The following IL17RD variants were observed in gnomAD, a reference collection of about 807,000 sequenced individuals.
IL17RD encodes interleukin-17 receptor D.
In IL17RD, 52 loss-of-function variants were observed where a neutral mutation model predicts 80.5. The ratio of observed to expected loss-of-function variants is 0.65; its 90% confidence interval spans 0.52 to 0.81. IL17RD has a LOEUF of 0.81. Ranked by LOEUF, IL17RD falls within the 40% of genes least tolerant of loss-of-function variation. IL17RD has a pLI of 0.00. For missense variants in IL17RD, 1,024 were observed against 955.1 expected (o/e 1.07, Z -0.95); for synonymous variants, 416 against 391.8 (o/e 1.06, Z -0.73).
rs200249733 is a variant in IL17RD, at chr3:57,098,011, G to A, written c.1692C>T (p.Phe564=). 1.2e-6 allele frequency: 2 copies of A among 1,613,924 alleles called. No homozygotes were observed. Among genetic ancestry groups the A allele is most frequent in the African/African-American group, 2.7e-5 (2 of 74,938 alleles). Reference sequence around the variant, plus strand: ...GCAGTGGAGGAGGATGGAAGGGAACGAACTGCTTTTCGAACCAGTCGGGCT... The same window carrying A: ...GCAGTGGAGGAGGATGGAAGGGAACAAACTGCTTTTCGAACCAGTCGGGCT... The part of the protein sequence containing the change: ...DEEPDWFEKQ[F]VPFHPPPLRY... Residue 564 remains phenylalanine, a synonymous_variant, in exon 12 of 13, where the codon TTC becomes TTT. Coordinates refer to ENST00000296318, the MANE Select transcript of IL17RD (RefSeq NM_017563.5).
intron 3 of IL17RD, among the ~76,000 whole-genome samples, chr3:57,111,379 A>G (rs1707093618): frequency 6.6e-6 from 1 of 152,188 alleles, no homozygotes; most frequent in African/African-American, 2.4e-5. Context: ...GTTTCAGAGT[A>G]TTACTGTGCA....
rs1323075656 is a variant in IL17RD at position 57,127,341 on chromosome 3, T to A, written c.127-7028A>T. On this transcript the variant is annotated intron_variant, in intron 1 of 12. Transcript: ENST00000296318. ...AAATATATATAAATATATATAAAAA[T>A]ATATATAAATATATATAAATATAAA... Among the ~76,000 whole-genome samples, 39 of 100,550 alleles carry A rather than the reference T, an allele frequency of 3.9e-4. 4 individuals are homozygous for A. The highest frequency in any genetic ancestry group is 8.4e-4 in the African/African-American group (18 of 21,500). The allele number at this position is 100,550 out of a possible 152,430, so 66.0% of individuals were successfully genotyped here.
intron 3 of IL17RD, 130 bp downstream of exon 3, chr3:57,114,562 T>C (rs1707168885): frequency 2.6e-6 from 2 of 760,952 alleles, no homozygotes; most frequent in African/African-American, 3.6e-5. Context: ...AAAGTGTATC[T>C]GTGCCCAATC....
chr3:57,102,362 T>TATGA, intron 10 of IL17RD, 117 bp downstream of exon 10: 2 of 456,532 alleles, frequency 4.4e-6, no homozygotes, highest in Non-Finnish European at 7.9e-6. Context: ...TAGTAGGAGC[T>TATGA]ATGAGGCTTC....
rs1433463201 is a variant in IL17RD at position 57,152,647 on chromosome 3, C to G, written c.126+12514G>C. ...TACTTTGAAAAATGACCAATATTAA[C>G]TTTACATGTCTTGGCCCTTAAATCT... On this transcript the variant is annotated intron_variant, in intron 1 of 12. Coordinates refer to ENST00000296318, the MANE Select transcript of IL17RD (RefSeq NM_017563.5). 2.6e-5 allele frequency among the ~76,000 whole-genome samples: 4 copies of G among 152,194 alleles called. No homozygotes were observed. The East Asian group carries it at 7.7e-4, about 29-fold the overall frequency.
intron 1 of IL17RD, among the ~76,000 whole-genome samples, chr3:57,137,625 A>T (rs994011133): frequency 6.6e-6 from 1 of 152,244 alleles, no homozygotes; most frequent in African/African-American, 2.4e-5. Flanking sequence ...TATCCATTTC[A>T]AGATGGAAAT....
intron 3 of IL17RD, among the ~76,000 whole-genome samples, chr3:57,113,330 T>C (rs563197717): frequency 2.5e-4 from 38 of 152,302 alleles, no homozygotes; most frequent in African/African-American, 8.2e-4. Context: ...CTCTGCCTTG[T>C]GGGTTCAAGT....
Position 57,091,941 on chromosome 3 carries a change from T to C in IL17RD, c.*4452A>G, listed in dbSNP as rs1706564183. On this transcript the variant is annotated 3_prime_UTR_variant, in exon 13 of 13. Coordinates refer to ENST00000296318, the MANE Select transcript of IL17RD (RefSeq NM_017563.5). ...GAAACTGGAATCAAAGCCACTGGCT[T>C]GCAGTCAGATTTCCTTTTGTCTATT... 1 of 152,284 alleles carries C rather than the reference T, an allele frequency of 6.6e-6. No homozygotes were observed. The highest frequency in any genetic ancestry group is 2.1e-4 in the South Asian group (1 of 4,832). 9.4% of individuals were successfully genotyped at this position (152,284 alleles called of 1,614,324 possible).
At chr3:57,110,357 C>T (rs1156247092) in intron 3 of IL17RD, 46 bp from the exon 4 acceptor site, 1 of 1,543,860 alleles carries the variant, frequency 6.5e-7, no homozygotes, top group East Asian at 2.4e-5. Flanking sequence ...CTAATTACTT[C>T]TGAACACACT....
At chr3:57,113,766 C>T (rs1412387269) in intron 3 of IL17RD, among the ~76,000 whole-genome samples, 1 of 152,058 alleles carries the variant, frequency 6.6e-6, no homozygotes, top group African/African-American at 2.4e-5. Context: ...TAGTCTCGAA[C>T]TCCTGGCCTC....
At chr3:57,105,552 A>AAAAAAAAAAAAATATATATAT in intron 7 of IL17RD, among the ~76,000 whole-genome samples, 8 of 63,582 alleles carry the variant, frequency 1.3e-4, no homozygotes, top group African/African-American at 6.5e-4. Flanking sequence ...AAAAAAAAAA[A>AAAAAAAAAAAAATATATATAT]ATATATATAT....
chr3:57,105,117 T>C (rs1284945064), intron 7 of IL17RD, among the ~76,000 whole-genome samples: 1 of 152,212 alleles, frequency 6.6e-6, no homozygotes, highest in African/African-American at 2.4e-5. Flanking sequence ...GTGACATCCC[T>C]GAGCCTCAGC....
intron 1 of IL17RD, among the ~76,000 whole-genome samples, chr3:57,159,970 G>A (rs1303107751): frequency 3.3e-5 from 5 of 152,178 alleles, no homozygotes; most frequent in African/African-American, 9.7e-5. Flanking sequence ...TCAGGAGTTC[G>A]AGACCAGCCT....
chr3:57,125,770 T>C (rs1208021033), intron 1 of IL17RD, among the ~76,000 whole-genome samples: 1 of 152,178 alleles, frequency 6.6e-6, no homozygotes, highest in African/African-American at 2.4e-5. Flanking sequence ...CAAGGAGGCC[T>C]AGTAACTCCA....
Position 57,130,931 on chromosome 3 carries a change from C to T in IL17RD, c.127-10618G>A, listed in dbSNP as rs145064640. Reference sequence around the variant, plus strand: ...CTGCCCAGCCCCCACCAGCTTGAGGCCAGCCGCCTGGGAGCCGGACACAGC... The same window carrying T: ...CTGCCCAGCCCCCACCAGCTTGAGGTCAGCCGCCTGGGAGCCGGACACAGC... On this transcript the variant is annotated intron_variant, in intron 1 of 12. Coordinates refer to ENST00000296318, the MANE Select transcript of IL17RD (RefSeq NM_017563.5). 8.1e-3 allele frequency among the ~76,000 whole-genome samples: 1,232 copies of T among 152,306 alleles called. 18 individuals carry two copies. Among genetic ancestry groups the T allele is most frequent in the African/African-American group, 0.028 (1,175 of 41,556 alleles).
Position 57,096,230 on chromosome 3 carries a change from G to C in IL17RD, c.*163C>G. On this transcript the variant is annotated 3_prime_UTR_variant, in exon 13 of 13. Transcript: ENST00000296318. Reference sequence around the variant, plus strand: ...ATTGGAGAGTTTGTCAAGATATCCGGTAAAGGGTTGGGGCAAGGGAGAACA... The same window carrying C: ...ATTGGAGAGTTTGTCAAGATATCCGCTAAAGGGTTGGGGCAAGGGAGAACA... 1 of 605,704 alleles carries C rather than the reference G, an allele frequency of 1.7e-6. No homozygotes were observed. Among genetic ancestry groups the C allele is most frequent in the Non-Finnish European group, 3.0e-6 (1 of 331,240 alleles). 37.5% of individuals were successfully genotyped at this position (605,704 alleles called of 1,614,324 possible).
rs1189936613 is a variant in IL17RD at position 57,093,950 on chromosome 3, T to C, written c.*2443A>G. On this transcript the variant is annotated 3_prime_UTR_variant, in exon 13 of 13. Transcript: ENST00000296318. ...GAAACCTGGACTTATCCCTGGTCTC[T>C]TTTCTAGAGGACGTTGTCTAACCTA... The C allele has an allele frequency of 6.6e-6, 1 of 152,232 alleles. No individual in the cohort carries two copies. Among genetic ancestry groups the C allele is most frequent in the Non-Finnish European group, 1.5e-5 (1 of 68,048 alleles). 9.4% of individuals were successfully genotyped at this position (152,232 alleles called of 1,614,324 possible). A position where few individuals can be genotyped will look rare whatever the true frequency, so the allele number is the denominator to read the frequency against.
chr3:57,136,571 C>T (rs901142489), intron 1 of IL17RD, among the ~76,000 whole-genome samples: 13 of 149,650 alleles, frequency 8.7e-5, no homozygotes, highest in African/African-American at 2.5e-4. Flanking sequence ...GCAGTGATTG[C>T]ACCACTGCAC....
intron 1 of IL17RD, among the ~76,000 whole-genome samples, chr3:57,127,463 T>C (rs1324778337): frequency 4.1e-5 from 6 of 147,294 alleles, no homozygotes; most frequent in African/African-American, 1.5e-4. Flanking sequence ...TGGAGTGCAA[T>C]AGCGTGATCT....
Sources: allele counts gnomAD v4.1 joint callset (sites outside exome capture counted in the v4.1 genomes callset), GRCh38; gene constraint gnomAD v4.1.1; transcripts MANE v1.5; gene names NCBI Gene and HGNC (gene_info 2026-07-23, HGNC 2026-07-21).